The following SMOC2 variants were observed in gnomAD, a reference collection of about 807,000 sequenced individuals.
SMOC2 encodes SPARC-related modular calcium-binding protein 2.
SMOC2 carries 39 observed loss-of-function variants against 61.4 expected under a neutral mutation model. The observed-to-expected ratio is 0.64, with a 90% CI of 0.49 to 0.83. The LOEUF is 0.83. SMOC2 is among the 40% of genes least tolerant of loss of function. SMOC2 has a pLI of 0.00. For missense variants in SMOC2, 556 were observed against 592.9 expected, an observed-to-expected ratio of 0.94 and a Z score of 0.65; for synonymous variants, 247 against 239.9, an observed-to-expected ratio of 1.03 and a Z score of -0.27.
rs370867757 is a variant in SMOC2, at chr6:168,573,107, T to C, written c.637+23904T>C. On this transcript the variant is annotated intron_variant, in intron 7 of 12. Transcript: ENST00000356284. ...TCCTTGGACGCGATGCTCATTTCCT[T>C]CCCACATCCCCGGGTGCTGGGACCA... 2.6e-3 allele frequency among the ~76,000 whole-genome samples: 64 copies of C among 24,652 alleles called. 1 individual carries two copies. Among genetic ancestry groups the C allele is most frequent in the African/African-American group, 0.018 (54 of 2,942 alleles). The allele number at this position is 24,652 out of a possible 152,430, so 16.2% of individuals were successfully genotyped here.
chr6:168,628,711 G>A lies in SMOC2; in HGVS notation c.907+20472G>A, dbSNP rs769840670. Among the ~76,000 whole-genome samples, 8 of 152,334 alleles carry A rather than the reference G, an allele frequency of 5.3e-5. No homozygotes were observed. In the South Asian group the frequency reaches 6.2e-4, roughly 12 times the overall value. ...CTGCTGCAAGATTACTAAACTGTGC[G>A]TGGTACAGTAGATGGGACTGTGCTG... is the stretch of plus-strand genomic sequence containing the variant. On this transcript the variant is annotated intron_variant, in intron 9 of 12. Coordinates refer to ENST00000356284, the MANE Select transcript of SMOC2 (RefSeq NM_001166412.2).
At chr6:168,482,044 C>A (rs1782218160) in intron 1 of SMOC2, among the ~76,000 whole-genome samples, 1 of 150,880 alleles carries the variant, frequency 6.6e-6, no homozygotes, top group African/African-American at 2.4e-5. Flanking sequence ...AAGATGAAGA[C>A]AGAGATGAAT....
At chr6:168,617,322 T>G (rs1008906070) in intron 9 of SMOC2, among the ~76,000 whole-genome samples, 14 of 152,178 alleles carry the variant, frequency 9.2e-5, no homozygotes, top group African/African-American at 3.4e-4. Context: ...CTTTTTCTGT[T>G]TATTAATTGA....
chr6:168,600,089 C>G (rs1785499703), intron 8 of SMOC2, among the ~76,000 whole-genome samples: 1 of 152,124 alleles, frequency 6.6e-6, no homozygotes, highest in Admixed American at 6.5e-5. Flanking sequence ...ATGCTCTGCT[C>G]TTGTGCATGA....
At chr6:168,665,170 G>A (rs1787629709) in intron 12 of SMOC2, 1 of 221,386 alleles carries the variant, frequency 4.5e-6, no homozygotes, top group Non-Finnish European at 9.0e-6. Context: ...ATTCCCGAAT[G>A]GCAATCACTG....
At chr6:168,596,517 T>A (rs566179036) in intron 7 of SMOC2, among the ~76,000 whole-genome samples, 1 of 151,500 alleles carries the variant, frequency 6.6e-6, no homozygotes, top group African/African-American at 2.4e-5. Context: ...ACAGGTGCCA[T>A]GTGAACACGG....
At chr6:168,565,092 C>A (rs1307455383) in intron 7 of SMOC2, among the ~76,000 whole-genome samples, 1 of 152,242 alleles carries the variant, frequency 6.6e-6, no homozygotes, top group Non-Finnish European at 1.5e-5. Flanking sequence ...ACCTGAAATT[C>A]AGATTGAACC....
At chr6:168,615,636 C>T (rs868543808) in intron 9 of SMOC2, among the ~76,000 whole-genome samples, 6 of 84,926 alleles carry the variant, frequency 7.1e-5, no homozygotes, top group African/African-American at 1.8e-4. Flanking sequence ...CAGCACAGGG[C>T]CTCTTCATAC....
chr6:168,527,163 A>ACG (rs1783475240), intron 3 of SMOC2, among the ~76,000 whole-genome samples: 2 of 152,086 alleles, frequency 1.3e-5, no homozygotes, highest in African/African-American at 2.4e-5. Flanking sequence ...GAGGGAGAGA[A>ACG]TGAGAGAGAG....
chr6:168,608,153 A>G lies in SMOC2; in HGVS notation c.825-4A>G. On this transcript the variant is annotated splice_region_variant and splice_polypyrimidine_tract_variant and intron_variant, in intron 8 of 12. Coordinates refer to ENST00000356284, the MANE Select transcript of SMOC2 (RefSeq NM_001166412.2). ...TCCTTCCCCCGCCTTCCCCCCGCCC[A>G]TAGGTACGAGCAGCCGAAATGTGAC... is the stretch of plus-strand genomic sequence containing the variant. The G allele has an allele frequency of 2.5e-6, 4 of 1,610,972 alleles. No homozygotes were observed. The highest frequency in any genetic ancestry group is 3.4e-6 in the Non-Finnish European group (4 of 1,178,664).
intron 7 of SMOC2, among the ~76,000 whole-genome samples, chr6:168,581,912 G>C (rs1233348448): frequency 1.3e-5 from 2 of 152,164 alleles, no homozygotes; most frequent in Admixed American, 6.5e-5. Context: ...CAGCTCTGAA[G>C]TCTCCTCCGT....
At chr6:168,483,832 T>C (rs1200628006) in intron 1 of SMOC2, among the ~76,000 whole-genome samples, 1 of 152,034 alleles carries the variant, frequency 6.6e-6, no homozygotes, top group African/African-American at 2.4e-5. Context: ...CCAAGGCCAT[T>C]CGTTGGAAAG....
intron 2 of SMOC2, among the ~76,000 whole-genome samples, chr6:168,516,981 G>C (rs1420764248): frequency 6.6e-6 from 1 of 152,170 alleles, no homozygotes; most frequent in Non-Finnish European, 1.5e-5. Flanking sequence ...CCACGATGAG[G>C]TTTAGAGACT....
chr6:168,538,202 G>C (rs1458846964), intron 4 of SMOC2, among the ~76,000 whole-genome samples: 24 of 149,434 alleles, frequency 1.6e-4, no homozygotes, highest in African/African-American at 5.9e-4. Context: ...CTGGAATCTG[G>C]GGAGTGGGGT....
chr6:168,445,012 T>C (rs2114987965), intron 1 of SMOC2, among the ~76,000 whole-genome samples: 1 of 152,328 alleles, frequency 6.6e-6, no homozygotes, highest in South Asian at 2.1e-4. Context: ...AGACTTCTCT[T>C]ACTGCCAATA....
Position 168,664,070 on chromosome 6 carries a change from C to A in SMOC2, c.1286-4C>A, listed in dbSNP as rs748335631. ...TTAATAATATCTTTTTTTTTTCCTG[C>A]TAGCCCCCAGAGGTCATGCTGAAAG... On this transcript the variant is annotated splice_region_variant and splice_polypyrimidine_tract_variant and intron_variant, in intron 11 of 12. Transcript: ENST00000356284. 1 of 1,596,680 alleles carries A rather than the reference C, an allele frequency of 6.3e-7. No individual in the cohort carries two copies. Among genetic ancestry groups the A allele is most frequent in the Non-Finnish European group, 8.5e-7 (1 of 1,173,914 alleles).
intron 1 of SMOC2, among the ~76,000 whole-genome samples, chr6:168,486,978 G>T (rs545263090): frequency 8.5e-4 from 129 of 152,234 alleles, no homozygotes; most frequent in Non-Finnish European, 1.5e-3. Context: ...TCATTAGAAG[G>T]GCCTTTGCAA....
At chr6:168,655,443 G>A (rs188514283) in intron 11 of SMOC2, 1 of 456,184 alleles carries the variant, frequency 2.2e-6, no homozygotes, top group South Asian at 1.5e-5. Context: ...TTCTTAGGAG[G>A]CAAGCCAGGA....
chr6:168,537,294 C>T lies in SMOC2; in HGVS notation c.464-6331C>T, dbSNP rs150137589. Among the ~76,000 whole-genome samples, 552 of 139,956 alleles carry T rather than the reference C, an allele frequency of 3.9e-3. 4 individuals carry two copies. The highest frequency in any genetic ancestry group is 0.013 in the African/African-American group (485 of 37,582). 91.8% of individuals were successfully genotyped at this position (139,956 alleles called of 152,430 possible). ...TGAGAAGACTTGCTTAGCTGAAAGC[C>T]GGTCCTATTTAGAGAGAGCAGCGTC... On this transcript the variant is annotated intron_variant, in intron 4 of 12. Transcript: ENST00000356284.
Sources: allele counts gnomAD v4.1 joint callset (sites outside exome capture counted in the v4.1 genomes callset), GRCh38; gene constraint gnomAD v4.1.1; transcripts MANE v1.5; gene names NCBI Gene and HGNC (gene_info 2026-07-23, HGNC 2026-07-21).